Variants in ADGRA1 observed in about 807,000 individuals in gnomAD.
The protein encoded by ADGRA1 is adhesion G protein-coupled receptor A1, also known as G-protein coupled receptor 123.
ADGRA1 carries 12 observed loss-of-function variants against 21.3 expected under a neutral mutation model. The ratio of observed to expected loss-of-function variants is 0.56; its 90% CI spans 0.36 to 0.91. The LOEUF (loss-of-function observed/expected upper bound fraction) is 0.91, where lower values mean the gene tolerates loss of function less well. Ranked by LOEUF, ADGRA1 falls within the 40% of genes least tolerant of loss-of-function variation. The pLI is 0.01. For missense variants in ADGRA1, 790 were observed against 805.6 expected (o/e 0.98, Z 0.23); for synonymous variants, 385 against 368.8 (o/e 1.04, Z -0.50).
At chr10:133,103,582 C>T (rs1197611766) in intron 5 of ADGRA1, among the ~76,000 whole-genome samples, 2 of 152,216 alleles carry the variant, frequency 1.3e-5, no homozygotes, top group Non-Finnish European at 2.9e-5. Flanking sequence ...CCTAGGGGGG[C>T]GGACACAGCC....
chr10:133,130,770 C>A lies in ADGRA1; in HGVS notation c.*1259C>A, dbSNP rs896439736. 3 of 151,364 alleles carry A rather than the reference C, an allele frequency of 2.0e-5. No homozygotes were observed. The allele number at this position is 151,364 out of a possible 1,614,324, so 9.4% of individuals were successfully genotyped here. On this transcript the variant is annotated 3_prime_UTR_variant, in exon 7 of 7. Coordinates refer to ENST00000392607, the MANE Select transcript of ADGRA1 (RefSeq NM_001083909.3). ...TCACACACATGCACACACACAAACA[C>A]GTGCATATCACACACATGCACACAA...
intron 5 of ADGRA1, among the ~76,000 whole-genome samples, chr10:133,122,736 C>G (rs1394147019): frequency 6.6e-6 from 1 of 152,258 alleles, no homozygotes; most frequent in Admixed American, 6.5e-5. Flanking sequence ...GGGCCGGCCC[C>G]ACCCCTGGCC....
chr10:133,126,021 G>C (rs147803916), intron 5 of ADGRA1, among the ~76,000 whole-genome samples: 52 of 152,288 alleles, frequency 3.4e-4, no homozygotes, highest in African/African-American at 1.2e-3. Context: ...AGCGTTTCTG[G>C]TGTTTCTCCT....
intron 5 of ADGRA1, among the ~76,000 whole-genome samples, chr10:133,106,497 G>A (rs1338886027): frequency 6.6e-6 from 1 of 152,204 alleles, no homozygotes; most frequent in Non-Finnish European, 1.5e-5. Context: ...GCCAGGATCT[G>A]GTCATCTCCA....
At chr10:133,090,738 G>A (rs1461340420) in intron 2 of ADGRA1, among the ~76,000 whole-genome samples, 1 of 152,074 alleles carries the variant, frequency 6.6e-6, no homozygotes, top group Non-Finnish European at 1.5e-5. Context: ...CGCCTGCCAG[G>A]GGCAAGCTGC....
rs191095618 is a variant in ADGRA1 at position 133,116,906 on chromosome 10, G to T, written c.402-10327G>T. On this transcript the variant is annotated intron_variant, in intron 5 of 6. Coordinates refer to ENST00000392607, the MANE Select transcript of ADGRA1 (RefSeq NM_001083909.3). Reference sequence around the variant, plus strand: ...CAGGATAGTGTCAGCACAGATGCAGGTCTGACCCCCAGTTCGGGACAGAGG... The same window carrying T: ...CAGGATAGTGTCAGCACAGATGCAGTTCTGACCCCCAGTTCGGGACAGAGG... 5.3e-5 allele frequency among the ~76,000 whole-genome samples: 8 copies of T among 152,266 alleles called. 1 individual carries two copies. The highest frequency in any genetic ancestry group is 4.8e-5 in the African/African-American group (2 of 41,544).
Position 133,096,921 on chromosome 10 carries a change from G to A in ADGRA1, c.4-53G>A, listed in dbSNP as rs377460823. The A allele has an allele frequency of 7.9e-5, 125 of 1,578,308 alleles. 1 individual carries two copies. In the East Asian group the frequency reaches 1.5e-3, roughly 19 times the overall value. On this transcript the variant is annotated intron_variant, in intron 2 of 6. Transcript: ENST00000392607. ...AAGGGTAGGCTCAGGCGACGGCGCC[G>A]CCCACACAGACCCACCAGCCAGTCA... is the stretch of plus-strand genomic sequence containing the variant.
At position 133,128,932 on chromosome 10, in the gene ADGRA1, G is replaced by A; in HGVS notation, c.1104G>A (p.Gln368=). ...GCCCCTGCAAGATGACCAACCTGCA[G>A]GCCGCGCAGGGCCACGCCAGTTGCC... ...PPGPCKMTNL[Q]AAQGHASCLS... The change falls in exon 7 of 7, where the codon CAG becomes CAA. Residue 368 remains glutamine (Q), a synonymous_variant. Coordinates refer to ENST00000392607, the MANE Select transcript of ADGRA1 (RefSeq NM_001083909.3). 1.3e-6 allele frequency: 2 copies of A among 1,552,714 alleles called. No homozygotes were observed. Among genetic ancestry groups the A allele is most frequent in the Middle Eastern group, 1.7e-4 (1 of 5,936 alleles).
chr10:133,104,056 T>A (rs1282458595), intron 5 of ADGRA1, among the ~76,000 whole-genome samples: 2 of 152,232 alleles, frequency 1.3e-5, no homozygotes, highest in Non-Finnish European at 2.9e-5. Flanking sequence ...GGACACCTGC[T>A]TCCTCGGAAG....
chr10:133,110,834 C>A (rs1414573710), intron 5 of ADGRA1, among the ~76,000 whole-genome samples: 1 of 152,132 alleles, frequency 6.6e-6, no homozygotes, highest in Admixed American at 6.5e-5. Flanking sequence ...CTTCCCCTTC[C>A]TTGTCTTTAG....
chr10:133,102,924 T>C, intron 5 of ADGRA1, 82 bp downstream of exon 5: 6 of 1,446,306 alleles, frequency 4.1e-6, no homozygotes, highest in Non-Finnish European at 4.7e-6. Context: ...GCAAACCTTC[T>C]CACCAGGCCA....
chr10:133,125,841 G>A (rs547438318), intron 5 of ADGRA1, among the ~76,000 whole-genome samples: 11 of 152,326 alleles, frequency 7.2e-5, no homozygotes, highest in Admixed American at 3.3e-4. Context: ...CAGAAAACTT[G>A]AGACTATATA....
chr10:133,115,329 G>A (rs567383859), intron 5 of ADGRA1, among the ~76,000 whole-genome samples: 76 of 152,318 alleles, frequency 5.0e-4, no homozygotes, highest in Non-Finnish European at 1.1e-3. Flanking sequence ...TCTGCCCAGC[G>A]GTCAGCAGCA....
chr10:133,088,166 C>A, intron 1 of ADGRA1, 28 bp downstream of exon 1: 1 of 912,594 alleles, frequency 1.1e-6, no homozygotes, highest in Non-Finnish European at 1.3e-6. Context: ...GTCTGGGCGG[C>A]GGGAGGGACG....
At chr10:133,105,539 A>G (rs1258924681) in intron 5 of ADGRA1, among the ~76,000 whole-genome samples, 1 of 152,212 alleles carries the variant, frequency 6.6e-6, no homozygotes, top group African/African-American at 2.4e-5. Flanking sequence ...CTTCCTGGAA[A>G]CCAAACCTTC....
chr10:133,128,852 G>A lies in ADGRA1; in HGVS notation c.1024G>A (p.Ala342Thr), dbSNP rs780856356. The A allele has an allele frequency of 3.8e-6, 6 of 1,584,010 alleles. No individual in the cohort carries two copies. The highest frequency in any genetic ancestry group is 2.7e-5 in the African/African-American group (2 of 73,990). ...CAACGGGGCCGCGCTGGGCCGCGCC[G>A]CCTGCCTGCACTCGCCGGGACTGGG... Reference protein sequence around the residue: ...DANGAALGRAACLHSPGLGQP... With the variant: ...DANGAALGRATCLHSPGLGQP... The change falls in exon 7 of 7, where the codon GCC (alanine) becomes ACC (threonine). Residue 342 changes from alanine to threonine, a missense_variant. This residue lies in a region of ADGRA1 where 391 missense variants were observed against 351.5 expected (regional missense o/e 1.11). Coordinates refer to ENST00000392607, the MANE Select transcript of ADGRA1 (RefSeq NM_001083909.3).
At chr10:133,105,533 C>T (rs922736940) in intron 5 of ADGRA1, among the ~76,000 whole-genome samples, 2 of 152,234 alleles carry the variant, frequency 1.3e-5, no homozygotes, top group Non-Finnish European at 2.9e-5. Flanking sequence ...GCTCTGCTTC[C>T]TGGAAACCAA....
intron 2 of ADGRA1, among the ~76,000 whole-genome samples, chr10:133,095,015 G>C (rs1192090167): frequency 1.3e-5 from 2 of 152,150 alleles, no homozygotes; most frequent in African/African-American, 4.8e-5. Context: ...AACCAGCCTG[G>C]CACCGCCCGA....
intron 4 of ADGRA1, among the ~76,000 whole-genome samples, chr10:133,101,076 G>A (rs571215365): frequency 6.6e-6 from 1 of 152,222 alleles, no homozygotes; most frequent in Admixed American, 6.5e-5. Flanking sequence ...CCGCATTCCC[G>A]CCTCCGGGTA....
Sources: allele counts gnomAD v4.1 joint callset (sites outside exome capture counted in the v4.1 genomes callset), GRCh38; gene constraint gnomAD v4.1.1; regional missense constraint gnomAD v4.1.1; transcripts MANE v1.5; gene names NCBI Gene and HGNC (gene_info 2026-07-23, HGNC 2026-07-21).